SCNN1D: variants seen among roughly 807,000 people sequenced by gnomAD.
SCNN1D encodes the protein epithelial sodium channel subunit delta.
SCNN1D carries 104 observed loss-of-function variants against 87.8 expected under a neutral mutation model. That is an observed-to-expected ratio of 1.18 (90% CI 1.01 to 1.39). SCNN1D has a LOEUF of 1.39. Ranked by LOEUF, SCNN1D falls within the 40% of genes most tolerant of loss-of-function variation. The pLI, the probability that SCNN1D is intolerant of heterozygous loss-of-function variation, is 0.00. For synonymous variants in SCNN1D, 628 were observed against 481.2 expected, an observed-to-expected ratio of 1.31 and a Z score of -3.99; for missense variants, 1,324 against 1,093.9, an observed-to-expected ratio of 1.21 and a Z score of -2.97.
chr1:1,284,533 G>A (rs547141913), intron 5 of SCNN1D, among the ~76,000 whole-genome samples: 18 of 148,978 alleles, frequency 1.2e-4, no homozygotes, highest in South Asian at 2.2e-4. Context: ...GGTGCCGAGC[G>A]TGTGCTGGAC....
chr1:1,290,230 C>T, intron 12 of SCNN1D, 41 bp from the exon 13 acceptor site: 1 of 1,450,846 alleles, frequency 6.9e-7, no homozygotes, highest in Non-Finnish European at 9.4e-7. Context: ...CCCCATGTCT[C>T]CGCTCCATCC....
Position 1,291,307 on chromosome 1 carries a change from C to A in SCNN1D, c.2106C>A (p.Ala702=). The change falls in exon 18 of 18, where the codon GCC becomes GCA. Residue 702 remains alanine (A), a synonymous_variant. Coordinates refer to ENST00000379116, the MANE Select transcript of SCNN1D (RefSeq NM_001130413.4). The part of the protein sequence containing the change: ...MGSLCSLWFG[A]SVLSLLELLE... The stretch of plus-strand genomic sequence containing the variant: ...GCCTCTGCAGCCTGTGGTTTGGGGC[C>A]TCCGTCCTCTCCCTCCTGGAGCTCC... 1 of 1,585,782 alleles carries A rather than the reference C, an allele frequency of 6.3e-7. No individual in the cohort carries two copies.
Position 1,286,162 on chromosome 1 carries a change from G to T in SCNN1D, c.795G>T (p.Trp265Cys), listed in dbSNP as rs1640586050. Residue 265 changes from tryptophan (W) to cysteine (C), a missense_variant, in exon 7 of 18, where the codon TGG (tryptophan) becomes TGT (cysteine). Coordinates refer to ENST00000379116, the MANE Select transcript of SCNN1D (RefSeq NM_001130413.4). ...LSLGALVALC[W>C]QLGLLFERHW... ...TGGGAGCCCTGGTCGCGCTCTGCTG[G>T]CAGCTGGGGCTCCTCTTTGAGCGTC... The T allele has an allele frequency of 6.2e-7, 1 of 1,607,474 alleles. No homozygotes were observed. Among genetic ancestry groups the T allele is most frequent in the African/African-American group, 1.3e-5 (1 of 75,028 alleles).
rs201221572 is a variant in SCNN1D, at chr1:1,291,397, G to A, written c.2196G>A (p.Ala732=). ...TAGGCGGCCGCCGGCTCCGCAGGGCGTGGTTCTCCTGGCCCAGAGCCAGCC... is the reference window on the plus strand; with the variant it reads ...TAGGCGGCCGCCGGCTCCGCAGGGCATGGTTCTCCTGGCCCAGAGCCAGCC... ...LVLGGRRLRR[A]WFSWPRASPA... Residue 732 remains alanine, a synonymous_variant, in exon 18 of 18, where the codon GCG becomes GCA. Transcript: ENST00000379116. The A allele has an allele frequency of 1.3e-4, 216 of 1,608,440 alleles. No individual in the cohort carries two copies. Among genetic ancestry groups the A allele is most frequent in the East Asian group, 1.8e-4 (8 of 44,818 alleles).
At position 1,282,239 on chromosome 1, in the gene SCNN1D, C is replaced by T; in HGVS notation, c.278-3C>T. On this transcript the variant is annotated splice_region_variant and splice_polypyrimidine_tract_variant and intron_variant, in intron 3 of 17. Coordinates refer to ENST00000379116, the MANE Select transcript of SCNN1D (RefSeq NM_001130413.4). ...GCCAGTGACGAAGCTGTGATTCACA[C>T]AGGCCTGGGTGACTCCAGCATGGCT... The T allele has an allele frequency of 6.8e-7, 1 of 1,467,656 alleles. No homozygotes were observed. The highest frequency in any genetic ancestry group is 1.2e-5 in the South Asian group (1 of 82,396). 90.9% of individuals were successfully genotyped at this position (1,467,656 alleles called of 1,614,324 possible).
chr1:1,280,842 A>G (rs1640455157), intron 1 of SCNN1D, 176 bp downstream of exon 1: 3 of 594,976 alleles, frequency 5.0e-6, no homozygotes, highest in Non-Finnish European at 9.1e-6. Context: ...AGCAGGGGAC[A>G]CCGGCCAGAC....
rs1043329491 is a variant in SCNN1D, at chr1:1,291,744, A to G, written c.*134A>G. Reference sequence around the variant, plus strand: ...CACACGCGGCCGTGGGGAGGCAGGCACCGGGCATGTCGGCGCCTCTGGTCA... The same window carrying G: ...CACACGCGGCCGTGGGGAGGCAGGCGCCGGGCATGTCGGCGCCTCTGGTCA... On this transcript the variant is annotated 3_prime_UTR_variant, in exon 18 of 18. Coordinates refer to ENST00000379116, the MANE Select transcript of SCNN1D (RefSeq NM_001130413.4). 2 of 622,390 alleles carry G rather than the reference A, an allele frequency of 3.2e-6. No individual in the cohort carries two copies. The highest frequency in any genetic ancestry group is 6.0e-5 in the East Asian group (2 of 33,306). 38.6% of individuals were successfully genotyped at this position (622,390 alleles called of 1,614,324 possible). A position where few individuals can be genotyped will look rare whatever the true frequency, so the allele number is the denominator to read the frequency against.
At chr1:1,281,896 G>C in intron 3 of SCNN1D, 1 of 564,942 alleles carries the variant, frequency 1.8e-6, no homozygotes, top group East Asian at 3.0e-5. Flanking sequence ...GGCCACTCCC[G>C]GGGACACAGG....
At chr1:1,288,219 TCCCGTGTCTCTGCTCC>T (rs1640656978) in intron 12 of SCNN1D, among the ~76,000 whole-genome samples, 182 bp downstream of exon 12, 1 of 137,928 alleles carries the variant, frequency 7.3e-6, no homozygotes, top group Non-Finnish European at 1.6e-5. Flanking sequence ...CTCTGCTCCG[TCCCGTGTCTCTGCTCC>T]GTCCCGTGTC....
chr1:1,291,202 G>A, intron 17 of SCNN1D, 52 bp from the exon 18 acceptor site: 4 of 1,584,400 alleles, frequency 2.5e-6, no homozygotes, highest in Non-Finnish European at 3.4e-6. Context: ...GCCCTGCACA[G>A]AAGGGGCACG....
In SCNN1D at chr1:1,281,439, A is replaced by G; in HGVS notation, c.106A>G (p.Arg36Gly). Reference sequence around the variant, plus strand: ...CACCTGGTCATGGTGCAGTGACCACAGGACCCCCACATGCCGGGAGCTGGG... The same window carrying G: ...CACCTGGTCATGGTGCAGTGACCACGGGACCCCCACATGCCGGGAGCTGGG... The part of the protein sequence containing the change: ...RLTWSWCSDH[R>G]TPTCRELGSP... Residue 36 changes from arginine to glycine, a missense_variant, in exon 3 of 18, where the codon AGG becomes GGG. Coordinates refer to ENST00000379116, the MANE Select transcript of SCNN1D (RefSeq NM_001130413.4). 1 of 1,520,200 alleles carries G rather than the reference A, an allele frequency of 6.6e-7. No homozygotes were observed. Among genetic ancestry groups the G allele is most frequent in the South Asian group, 1.2e-5 (1 of 81,410 alleles). 94.2% of individuals were successfully genotyped at this position (1,520,200 alleles called of 1,614,324 possible). A position where few individuals can be genotyped will look rare whatever the true frequency, so the allele number is the denominator to read the frequency against.
chr1:1,287,521 T>C lies in SCNN1D; in HGVS notation c.1324T>C (p.Phe442Leu). 1 of 1,528,194 alleles carries C rather than the reference T, an allele frequency of 6.5e-7. No homozygotes were observed. Among genetic ancestry groups the C allele is most frequent in the Non-Finnish European group, 8.8e-7 (1 of 1,136,116 alleles). The allele number at this position is 1,528,194 out of a possible 1,614,324, so 94.7% of individuals were successfully genotyped here. A position where few individuals can be genotyped will look rare whatever the true frequency, so the allele number is the denominator to read the frequency against. ...TTCTCATTCCAGACAGTTCCGGACC[T>C]TCCACCACCCCACCTACGGCAGCTG... ...LDCQARQFRT[F>L]HHPTYGSCYT... Residue 442 changes from phenylalanine (F) to leucine (L), a missense_variant, in exon 10 of 18, where the codon TTC (phenylalanine) becomes CTC (leucine). Physicochemically the swap from Phe to Leu is conservative, Grantham distance 22. Transcript: ENST00000379116.
intron 4 of SCNN1D, among the ~76,000 whole-genome samples, chr1:1,283,130 C>T (rs1002893190): frequency 2.0e-5 from 3 of 152,066 alleles, no homozygotes; most frequent in East Asian, 1.9e-4. Context: ...GTGTGTGGCG[C>T]GTCATCTTAG....
In SCNN1D at chr1:1,287,692, G is replaced by T. The variant is rs1019109618; in HGVS notation, c.1419G>T (p.Arg473Ser). 1 of 1,611,404 alleles carries T rather than the reference G, an allele frequency of 6.2e-7. No individual in the cohort carries two copies. Among genetic ancestry groups the T allele is most frequent in the Non-Finnish European group, 8.5e-7 (1 of 1,179,346 alleles). The change falls in exon 11 of 18, where the codon AGG (arginine) becomes AGT (serine). Residue 473 changes from arginine (R) to serine (S), a missense_variant. Physicochemically the swap from Arg to Ser is moderately radical, Grantham distance 110. Coordinates refer to ENST00000379116, the MANE Select transcript of SCNN1D (RefSeq NM_001130413.4). ...GITHGVGLVL[R>S]VEQQPHLPLL... ...TCCCAGGAGTCGGCCTGGTCCTCAG[G>T]GTTGAGCAGCAGCCTCACCTCCCTC...
At position 1,288,227 on chromosome 1, in the gene SCNN1D, C is replaced by G. The variant is rs1335805061; in HGVS notation, c.1662+190C>G. Among the ~76,000 whole-genome samples, 637 of 135,894 alleles carry G rather than the reference C, an allele frequency of 4.7e-3. 1 individual carries two copies. Among genetic ancestry groups the G allele is most frequent in the South Asian group, 0.029 (105 of 3,646 alleles). 89.2% of individuals were successfully genotyped at this position (135,894 alleles called of 152,430 possible). A position where few individuals can be genotyped will look rare whatever the true frequency, so the allele number is the denominator to read the frequency against. On this transcript the variant is annotated intron_variant, in intron 12 of 17. Transcript: ENST00000379116. ...CCTGTGTCTCTGCTCCGTCCCGTGT[C>G]TCTGCTCCGTCCCGTGTCTCTGCTC...
In SCNN1D at chr1:1,286,671, A is replaced by G. The variant is rs6666790; in HGVS notation, c.912-97A>G. ...GCTCACCCCACTGGGCGTCCCGAGT[A>G]GGGGAGGCACTGCTGTCCCGACAGC... On this transcript the variant is annotated intron_variant, in intron 7 of 17. Transcript: ENST00000379116. The G allele has an allele frequency of 0.014, 16,694 of 1,170,058 alleles. 1,631 individuals carry two copies. In the African/African-American group the frequency reaches 0.21, roughly 15 times the overall value. 72.5% of individuals were successfully genotyped at this position (1,170,058 alleles called of 1,614,324 possible).
rs13306635 is a variant in SCNN1D at position 1,290,753 on chromosome 1, C to T, written c.1917+59C>T. The T allele has an allele frequency of 1.1e-4, 179 of 1,600,530 alleles. 2 individuals are homozygous for T. The East Asian group carries it at 3.8e-3, about 34-fold the overall frequency. The stretch of plus-strand genomic sequence containing the variant: ...ACAGCCAGGCAGACCCCACAGGTCC[C>T]ACAGAGCCCACCCAAGACAAGGGCA... On this transcript the variant is annotated intron_variant, in intron 15 of 17. Transcript: ENST00000379116.
rs746977788 is a variant in SCNN1D at position 1,287,100 on chromosome 1, CT to C, written c.1120-8del. On this transcript the variant is annotated splice_region_variant and splice_polypyrimidine_tract_variant and intron_variant, in intron 8 of 17. Coordinates refer to ENST00000379116, the MANE Select transcript of SCNN1D (RefSeq NM_001130413.4). ...AGCCACAGAGCTGACCCTCCCTCCC[CT>C]CTCCCAGTGCAACAGCACGGGCGGC... 5.0e-6 allele frequency: 8 copies of C among 1,587,324 alleles called. No homozygotes were observed. The highest frequency in any genetic ancestry group is 6.9e-6 in the Non-Finnish European group (8 of 1,161,844).
rs1449549637 is a variant in SCNN1D at position 1,286,834 on chromosome 1, G to A, written c.978G>A (p.Leu326=). 6.2e-7 allele frequency: 1 copy of A among 1,612,684 alleles called. No homozygotes were observed. Among genetic ancestry groups the A allele is most frequent in the Non-Finnish European group, 8.5e-7 (1 of 1,179,928 alleles). ...DEFARENIDS[L]YNVNLSKGRA... ...TTGCCAGGGAGAACATTGACTCCCT[G>A]TACAACGTCAACCTCAGCAAAGGCA... Residue 326 remains leucine, a synonymous_variant, in exon 8 of 18, where the codon CTG becomes CTA. Coordinates refer to ENST00000379116, the MANE Select transcript of SCNN1D (RefSeq NM_001130413.4).
Sources: allele counts gnomAD v4.1 joint callset (sites outside exome capture counted in the v4.1 genomes callset), GRCh38; gene constraint gnomAD v4.1.1; transcripts MANE v1.5; gene names NCBI Gene and HGNC (gene_info 2026-07-23, HGNC 2026-07-21).